Variants in NAV3 observed in about 807,000 individuals in gnomAD.
The protein encoded by NAV3 is pore membrane and/or filament interacting like protein 1.
NAV3 carries 87 observed loss-of-function variants against 244.7 expected under a neutral mutation model. The ratio of observed to expected loss-of-function variants is 0.36; its 90% CI spans 0.30 to 0.42. The LOEUF is 0.42. Ranked by LOEUF, NAV3 falls within the 20% of genes least tolerant of loss-of-function variation. NAV3 has a pLI of 1.00. For synonymous variants in NAV3, 1,126 were observed against 1,042.2 expected (o/e 1.08, Z -1.55); for missense variants, 2,663 against 2,893.3 (o/e 0.92, Z 1.83).
At chr12:77,649,416 C>T (rs556775672) in intron 2 of NAV3, among the ~76,000 whole-genome samples, 16 of 152,132 alleles carry the variant, frequency 1.1e-4, no homozygotes, top group Admixed American at 5.2e-4. Flanking sequence ...TTATTCCATT[C>T]GTTCCATTGG....
rs140069903 is a variant in NAV3, at chr12:77,776,729, C to T, written c.73-163590C>T. Among the ~76,000 whole-genome samples the T allele has an allele frequency of 4.5e-3, 688 of 152,196 alleles. 20 individuals are homozygous for T. Among genetic ancestry groups the T allele is most frequent in the Admixed American group, 0.041 (620 of 15,282 alleles). On this transcript the variant is annotated intron_variant, in intron 2 of 8. Coordinates refer to the NAV3 transcript ENST00000550042. ...CTACTCAAACCATGATTAATAGGAA[C>T]GAATATGCAGGGAGGCCGAGGTGGG... is the stretch of plus-strand genomic sequence containing the variant.
intron 8 of NAV3, among the ~76,000 whole-genome samples, chr12:78,009,565 A>G (rs1430782382): frequency 6.6e-6 from 1 of 151,172 alleles, no homozygotes; most frequent in Non-Finnish European, 1.5e-5. Context: ...TCTCAATGCC[A>G]CCACTGATCA....
chr12:77,873,693 A>G (rs1314646804), intron 1 of NAV3, among the ~76,000 whole-genome samples: 1 of 100,720 alleles, frequency 9.9e-6, no homozygotes, highest in Non-Finnish European at 2.0e-5. Context: ...ATATATATAT[A>G]TATATATATA....
chr12:77,711,231 A>G (rs1876097635), intron 2 of NAV3, among the ~76,000 whole-genome samples: 4 of 152,192 alleles, frequency 2.6e-5, no homozygotes, highest in Admixed American at 2.6e-4. Context: ...TACCAGGGTG[A>G]TCCTCAAAGA....
intron 2 of NAV3, among the ~76,000 whole-genome samples, chr12:77,723,755 C>CATTTTT (rs1876746133): frequency 1.5e-5 from 1 of 67,646 alleles, no homozygotes; most frequent in Non-Finnish European, 2.6e-5. Context: ...GCAATCTTGA[C>CATTTTT]TTTTTTTTTT....
chr12:78,012,505 T>C (rs1222947202), intron 8 of NAV3, among the ~76,000 whole-genome samples: 2 of 152,092 alleles, frequency 1.3e-5, no homozygotes, highest in Admixed American at 6.6e-5. Flanking sequence ...CTGTTCACAA[T>C]TGATCCCCAC....
intron 1 of NAV3, among the ~76,000 whole-genome samples, chr12:77,864,272 G>A (rs1487203904): frequency 2.0e-5 from 3 of 151,672 alleles, no homozygotes; most frequent in Non-Finnish European, 4.4e-5. Context: ...CATCTTCTCA[G>A]CAGTAGGGCC....
At chr12:77,693,228 A>AT (rs1165084643) in intron 2 of NAV3, among the ~76,000 whole-genome samples, 2 of 152,170 alleles carry the variant, frequency 1.3e-5, no homozygotes, top group South Asian at 2.1e-4. Context: ...TCAGTCAGTT[A>AT]TTTTTTGTTC....
intron 2 of NAV3, among the ~76,000 whole-genome samples, chr12:77,723,755 C>T (rs375321976): frequency 1.6e-3 from 110 of 67,644 alleles, no homozygotes; most frequent in Non-Finnish European, 1.9e-3. Flanking sequence ...GCAATCTTGA[C>T]TTTTTTTTTT....
intron 2 of NAV3, among the ~76,000 whole-genome samples, chr12:77,795,175 G>A (rs1035553948): frequency 6.6e-6 from 1 of 152,266 alleles, no homozygotes; most frequent in Non-Finnish European, 1.5e-5. Context: ...AATTAAAAAT[G>A]CTACTCCATG....
At chr12:77,662,700 A>T (rs143356887) in intron 2 of NAV3, among the ~76,000 whole-genome samples, 29 of 152,140 alleles carry the variant, frequency 1.9e-4, no homozygotes, top group African/African-American at 6.3e-4. Flanking sequence ...GACTTTACAC[A>T]TAGGTTTGAT....
chr12:78,092,883 T>C (rs575360884), intron 12 of NAV3, among the ~76,000 whole-genome samples: 7 of 152,046 alleles, frequency 4.6e-5, no homozygotes, highest in South Asian at 2.1e-4. Context: ...TTAGGAAATA[T>C]AGACTTTGTT....
upstream of NAV3, among the ~76,000 whole-genome samples, chr12:77,829,938 TAA>T (rs966717367): frequency 3.9e-5 from 6 of 152,338 alleles, no homozygotes; most frequent in African/African-American, 1.2e-4. Flanking sequence ...GTGTCTATAC[TAA>T]GTGTCCACCA....
intron 2 of NAV3, among the ~76,000 whole-genome samples, chr12:77,673,164 C>G (rs1188868821): frequency 6.6e-6 from 1 of 152,096 alleles, no homozygotes; most frequent in Non-Finnish European, 1.5e-5. Flanking sequence ...GTGGAAATAT[C>G]AGCCTTTTTT....
chr12:77,887,308 A>C (rs770867518), intron 1 of NAV3, among the ~76,000 whole-genome samples: 1 of 152,168 alleles, frequency 6.6e-6, no homozygotes, highest in Non-Finnish European at 1.5e-5. Flanking sequence ...CTACACAACT[A>C]TATAGGGTTG....
chr12:78,077,040 G>A (rs559070707), intron 12 of NAV3, among the ~76,000 whole-genome samples: 4 of 152,174 alleles, frequency 2.6e-5, no homozygotes, highest in Admixed American at 2.0e-4. Context: ...TGAAATGATA[G>A]ACTTCTAATA....
chr12:77,761,791 G>A (rs1869480970), intron 2 of NAV3, among the ~76,000 whole-genome samples: 1 of 152,194 alleles, frequency 6.6e-6, no homozygotes, highest in Non-Finnish European at 1.5e-5. Flanking sequence ...ATGCTGGAAA[G>A]GTTGTGGAGA....
At chr12:77,887,574 A>G (rs1883438479) in intron 1 of NAV3, among the ~76,000 whole-genome samples, 1 of 152,122 alleles carries the variant, frequency 6.6e-6, no homozygotes, top group Non-Finnish European at 1.5e-5. Context: ...GTTTATTCTT[A>G]TGTGATTAGC....
At chr12:78,203,192 C>A (rs1406154113) in intron 38 of NAV3, among the ~76,000 whole-genome samples, 1 of 151,942 alleles carries the variant, frequency 6.6e-6, no homozygotes, top group African/African-American at 2.4e-5. Flanking sequence ...ATATGTGTTT[C>A]ACTCGGAAAT....
Sources: allele counts gnomAD v4.1 joint callset (sites outside exome capture counted in the v4.1 genomes callset), GRCh38; gene constraint gnomAD v4.1.1; transcripts MANE v1.5; gene names NCBI Gene and HGNC (gene_info 2026-07-23, HGNC 2026-07-21).